The following RAPGEF5 variants were observed in gnomAD, a reference collection of about 807,000 sequenced individuals.
The protein encoded by RAPGEF5 is M-Ras-regulated GEF.
A neutral mutation model predicts 125.2 loss-of-function variants in RAPGEF5; 65 were observed. The ratio of observed to expected loss-of-function variants is 0.52; its 90% CI spans 0.43 to 0.64. The LOEUF is 0.64. RAPGEF5 is among the 30% of genes least tolerant of loss of function. The probability of loss-of-function intolerance (pLI) is 0.00; values close to 1 mark genes in which losing one functional copy is unlikely to be tolerated. For synonymous variants in RAPGEF5, 391 were observed against 385.9 expected, an observed-to-expected ratio of 1.01 and a Z score of -0.16; for missense variants, 958 against 1,048.1, an observed-to-expected ratio of 0.91 and a Z score of 1.19.
At chr7:22,263,516 G>T (rs1782207912) in intron 7 of RAPGEF5, among the ~76,000 whole-genome samples, 1 of 152,058 alleles carries the variant, frequency 6.6e-6, no homozygotes, top group African/African-American at 2.4e-5. Flanking sequence ...GATCACCTGA[G>T]GTCAAGAGTT....
At chr7:22,265,322 T>C (rs534888042) in intron 7 of RAPGEF5, among the ~76,000 whole-genome samples, 1 of 152,258 alleles carries the variant, frequency 6.6e-6, no homozygotes, top group East Asian at 1.9e-4. Flanking sequence ...GAGATCAACT[T>C]TTCTCGCTGC....
intron 9 of RAPGEF5, among the ~76,000 whole-genome samples, chr7:22,216,397 T>A (rs117890863): frequency 6.6e-6 from 1 of 152,018 alleles, no homozygotes; most frequent in Non-Finnish European, 1.5e-5. Flanking sequence ...AGCCCACCCC[T>A]CTCCATTCCC....
Position 22,168,336 on chromosome 7 carries a change from G to T in RAPGEF5, c.1205-1188C>A, listed in dbSNP as rs1784238261. Among the ~76,000 whole-genome samples, 2 of 152,188 alleles carry T rather than the reference G, an allele frequency of 1.3e-5. 1 individual carries two copies. The highest frequency in any genetic ancestry group is 1.3e-4 in the Admixed American group (2 of 15,276). ...AAGTATCGAGGAGACTGTGGCCTAT[G>T]AACCAGGAAGCAGGTCCTCACCAGA... On this transcript the variant is annotated intron_variant, in intron 11 of 25. Transcript: ENST00000665637.
chr7:22,324,396 A>G (rs1783774923), intron 1 of RAPGEF5, among the ~76,000 whole-genome samples: 1 of 152,236 alleles, frequency 6.6e-6, no homozygotes, highest in African/African-American at 2.4e-5. Flanking sequence ...ATCCTGGACT[A>G]GAATAAGGAA....
chr7:22,254,696 G>A (rs1456949034), intron 7 of RAPGEF5, among the ~76,000 whole-genome samples: 5 of 151,930 alleles, frequency 3.3e-5, no homozygotes, highest in African/African-American at 4.8e-5. Context: ...CCAGTTTCAC[G>A]GAAGACAATT....
intron 18 of RAPGEF5, among the ~76,000 whole-genome samples, chr7:22,148,450 C>T (rs893220120): frequency 6.6e-6 from 1 of 152,194 alleles, no homozygotes; most frequent in Non-Finnish European, 1.5e-5. Flanking sequence ...GCTCTAATTC[C>T]TGTTTTCTAA....
chr7:22,214,214 A>C (rs1182729653), intron 9 of RAPGEF5, among the ~76,000 whole-genome samples: 1 of 152,198 alleles, frequency 6.6e-6, no homozygotes, highest in African/African-American at 2.4e-5. Flanking sequence ...GCAGTTTCAG[A>C]GTGTGCAAAA....
intron 3 of RAPGEF5, among the ~76,000 whole-genome samples, chr7:22,312,797 A>G (rs2128153695): frequency 6.6e-6 from 1 of 152,348 alleles, no homozygotes; most frequent in South Asian, 2.1e-4. Context: ...CAGGGCAAAC[A>G]TGGGAGTAAA....
chr7:22,147,271 C>T (rs1009539852), intron 18 of RAPGEF5, among the ~76,000 whole-genome samples: 1 of 152,176 alleles, frequency 6.6e-6, no homozygotes, highest in African/African-American at 2.4e-5. Flanking sequence ...CCCCTACCCC[C>T]ACGTGCACAC....
In RAPGEF5 at chr7:22,130,311, T is replaced by C. The variant is rs1782874822; in HGVS notation, c.2481+726A>G. ...TTCTTATGGGTAACCCCTCCTTTGC[T>C]CAAGGGCAAGTCAGAAAGGCTTGGA... On this transcript the variant is annotated intron_variant, in intron 24 of 25. Transcript: ENST00000665637. Among the ~76,000 whole-genome samples, 3 of 152,182 alleles carry C rather than the reference T, an allele frequency of 2.0e-5. No individual in the cohort carries two copies. In the South Asian group the frequency reaches 6.2e-4, roughly 32 times the overall value.
At chr7:22,246,510 T>C (rs1305038680) in intron 7 of RAPGEF5, among the ~76,000 whole-genome samples, 2 of 152,108 alleles carry the variant, frequency 1.3e-5, no homozygotes, top group African/African-American at 2.4e-5. Flanking sequence ...GGTGCTGGGA[T>C]AACTGCCTAG....
intron 22 of RAPGEF5, 149 bp downstream of exon 22, chr7:22,136,784 A>G (rs1008133505): frequency 1.6e-5 from 11 of 667,336 alleles, no homozygotes; most frequent in South Asian, 1.9e-5. Context: ...TTCCCTCCAT[A>G]AGAAGCAAAG....
At chr7:22,316,463 A>T (rs1245354096) in intron 2 of RAPGEF5, among the ~76,000 whole-genome samples, 1 of 75,730 alleles carries the variant, frequency 1.3e-5, no homozygotes, top group Non-Finnish European at 2.4e-5. Context: ...ACATAGACAT[A>T]TATATATATA....
intron 13 of RAPGEF5, 32 bp from the exon 14 acceptor site, chr7:22,160,647 G>T (rs1198803432): frequency 2.0e-6 from 3 of 1,507,554 alleles, no homozygotes; most frequent in Non-Finnish European, 2.6e-6. Flanking sequence ...GAGCTCAGTG[G>T]TTGAATGCCC....
intron 19 of RAPGEF5, 31 bp from the exon 20 acceptor site, chr7:22,145,253 A>T (rs1252250701): frequency 6.4e-7 from 1 of 1,574,440 alleles, no homozygotes; most frequent in East Asian, 2.3e-5. Flanking sequence ...GCCAGGGTTT[A>T]TTTATAGCAA....
intron 5 of RAPGEF5, among the ~76,000 whole-genome samples, chr7:22,303,976 G>T (rs1783273324): frequency 6.6e-6 from 1 of 152,190 alleles, no homozygotes; most frequent in African/African-American, 2.4e-5. Flanking sequence ...TGGGCCAGGG[G>T]TGAAAAGAAT....
intron 11 of RAPGEF5, among the ~76,000 whole-genome samples, chr7:22,174,831 G>C (rs1784456223): frequency 6.6e-6 from 1 of 152,150 alleles, no homozygotes; most frequent in Non-Finnish European, 1.5e-5. Flanking sequence ...AGGTGAGTTT[G>C]CTTTTAAACT....
chr7:22,125,576 C>T (rs1269665975), intron 25 of RAPGEF5, 28 bp downstream of exon 25: 1 of 1,589,790 alleles, frequency 6.3e-7, no homozygotes, highest in South Asian at 1.1e-5. Context: ...AGTCAATTTA[C>T]ATTCCGCACC....
chr7:22,127,571 C>A (rs1318462942), intron 24 of RAPGEF5, among the ~76,000 whole-genome samples: 1 of 152,190 alleles, frequency 6.6e-6, no homozygotes, highest in Non-Finnish European at 1.5e-5. Context: ...ATACTATTGT[C>A]TTCATGTTCT....
Sources: allele counts gnomAD v4.1 joint callset (sites outside exome capture counted in the v4.1 genomes callset), GRCh38; gene constraint gnomAD v4.1.1; transcripts MANE v1.5; gene names NCBI Gene and HGNC (gene_info 2026-07-23, HGNC 2026-07-21).